Variants in RBP3 observed in about 807,000 individuals in gnomAD.
The protein encoded by RBP3 is retinol-binding protein 3.
In RBP3, 50 loss-of-function variants were observed where a neutral mutation model predicts 64.8. The ratio of observed to expected loss-of-function variants is 0.77; its 90% CI spans 0.61 to 0.98. The LOEUF (loss-of-function observed/expected upper bound fraction) is 0.98, where lower values mean the gene tolerates loss of function less well. RBP3 is among the 50% of genes least tolerant of loss of function. RBP3 has a pLI of 0.00. For missense variants in RBP3, 1,712 were observed against 1,660.5 expected (o/e 1.03, Z -0.54); for synonymous variants, 828 against 730.2 (o/e 1.13, Z -2.16).
chr10:47,349,077 C>T lies in RBP3; in HGVS notation c.593C>T (p.Thr198Ile). The change falls in exon 1 of 4, where the codon ACT becomes ATT. Residue 198 changes from threonine (T) to isoleucine (I), a missense_variant. By Grantham distance (89) the Thr-to-Ile change is moderately conservative. Coordinates refer to ENST00000584701, the MANE Select transcript of RBP3 (RefSeq NM_002900.3). Reference sequence around the variant, plus strand: ...GGGAACACCATCCTGCACGTGGACACTATCTACAACCGCCCCTCCAACACC... The same window carrying T: ...GGGAACACCATCCTGCACGTGGACATTATCTACAACCGCCCCTCCAACACC... ...HPGNTILHVD[T>I]IYNRPSNTTT... 6.2e-7 allele frequency: 1 copy of T among 1,614,044 alleles called. No individual in the cohort carries two copies. Among genetic ancestry groups the T allele is most frequent in the Non-Finnish European group, 8.5e-7 (1 of 1,180,038 alleles).
In RBP3 at chr10:47,351,523, A is replaced by T. The variant is rs369941742; in HGVS notation, c.3039A>T (p.Gly1013=). The T allele has an allele frequency of 1.2e-6, 2 of 1,613,584 alleles. No individual in the cohort carries two copies. The highest frequency in any genetic ancestry group is 2.7e-5 in the African/African-American group (2 of 74,934). The change falls in exon 1 of 4, where the codon GGA becomes GGT. Residue 1013 remains glycine (G), a synonymous_variant. Transcript: ENST00000584701. Reference sequence around the variant, plus strand: ...AGAATGCCAAGGACCGCATTCCTGGAATTGTGCCCATGCAGGTGAGACCCA... The same window carrying T: ...AGAATGCCAAGGACCGCATTCCTGGTATTGTGCCCATGCAGGTGAGACCCA... ...IPENAKDRIP[G]IVPMQIPSPE... is the part of the protein sequence containing the mutation.
rs782258055 is a variant in RBP3, at chr10:47,348,624, G to C, written c.140G>C (p.Gly47Ala). Residue 47 changes from glycine to alanine, a missense_variant, in exon 1 of 4, where the codon GGC becomes GCC. Coordinates refer to ENST00000584701, the MANE Select transcript of RBP3 (RefSeq NM_002900.3). ...DNYCFPENLL[G>A]MQEAIQQAIK... Reference sequence around the variant, plus strand: ...TACTGCTTCCCGGAGAACCTGCTGGGCATGCAGGAAGCCATCCAGCAGGCC... The same window carrying C: ...TACTGCTTCCCGGAGAACCTGCTGGCCATGCAGGAAGCCATCCAGCAGGCC... The C allele has an allele frequency of 5.0e-6, 8 of 1,613,526 alleles. No individual in the cohort carries two copies. The South Asian group carries it at 8.8e-5, about 18-fold the overall frequency.
rs1836955122 is a variant in RBP3 at position 47,350,656 on chromosome 10, G to A, written c.2172G>A (p.Glu724=). The A allele has an allele frequency of 6.2e-7, 1 of 1,612,896 alleles. No individual in the cohort carries two copies. Among genetic ancestry groups the A allele is most frequent in the Non-Finnish European group, 8.5e-7 (1 of 1,180,020 alleles). Residue 724 remains glutamate, a synonymous_variant, in exon 1 of 4, where the codon GAG becomes GAA. Coordinates refer to ENST00000584701, the MANE Select transcript of RBP3 (RefSeq NM_002900.3). Reference sequence around the variant, plus strand: ...CACCCCCTGCTGTCCCCTCTCCAGAGGAGCTCACCTACCTTATTGAGGCCC... The same window carrying A: ...CACCCCCTGCTGTCCCCTCTCCAGAAGAGCTCACCTACCTTATTGAGGCCC... The part of the protein sequence containing the change: ...PPPPPAVPSP[E]ELTYLIEALF...
chr10:47,352,463 G>A (rs988936369), intron 1 of RBP3, among the ~76,000 whole-genome samples: 3 of 152,234 alleles, frequency 2.0e-5, no homozygotes, highest in Non-Finnish European at 4.4e-5. Flanking sequence ...AGCAGAGGGG[G>A]CTGAGAGTGC....
chr10:47,357,638 A>G lies in RBP3; in HGVS notation c.*181A>G. ...CACACACACATGTATATACACATAT[A>G]TATGTGTATGTATATATATGTATAT... On this transcript the variant is annotated 3_prime_UTR_variant, in exon 4 of 4. Transcript: ENST00000584701. The G allele has an allele frequency of 3.4e-6, 2 of 587,796 alleles. No homozygotes were observed. Among genetic ancestry groups the G allele is most frequent in the South Asian group, 2.1e-5 (1 of 48,416 alleles). 36.4% of individuals were successfully genotyped at this position (587,796 alleles called of 1,614,324 possible). A position where few individuals can be genotyped will look rare whatever the true frequency, so the allele number is the denominator to read the frequency against.
rs782519239 is a variant in RBP3, at chr10:47,357,350, C to T, written c.3637C>T (p.Pro1213Ser). ...CTCCTGGGAAGGGGTGGGGGTGACA[C>T]CCCATGTGGTTGTCCCTGCAGAAGA... ...GSSWEGVGVT[P>S]HVVVPAEEAL... Residue 1213 changes from proline to serine, a missense_variant, in exon 4 of 4, where the codon CCC becomes TCC. Coordinates refer to ENST00000584701, the MANE Select transcript of RBP3 (RefSeq NM_002900.3). 38 of 1,614,010 alleles carry T rather than the reference C, an allele frequency of 2.4e-5. No homozygotes were observed. The highest frequency in any genetic ancestry group is 4.0e-5 in the African/African-American group (3 of 74,932).
chr10:47,349,605 C>G lies in RBP3; in HGVS notation c.1121C>G (p.Ala374Gly). 6.2e-7 allele frequency: 1 copy of G among 1,612,864 alleles called. No individual in the cohort carries two copies. The highest frequency in any genetic ancestry group is 8.5e-7 in the Non-Finnish European group (1 of 1,180,020). The change falls in exon 1 of 4, where the codon GCC (alanine) becomes GGC (glycine). Residue 374 changes from alanine (A) to glycine (G), a missense_variant. Ala to Gly is a moderately conservative substitution (Grantham distance 60, BLOSUM62 0). Transcript: ENST00000584701. ...GAAGATCTGGTCACCAAGCTCAATG[C>G]CGGCCTGCAGGCTGCGTCTGAGGAT... ...SEEDLVTKLN[A>G]GLQAASEDPR...
Position 47,349,682 on chromosome 10 carries a change from G to A in RBP3, c.1198G>A (p.Ala400Thr), listed in dbSNP as rs1484072706. 3 of 1,611,540 alleles carry A rather than the reference G, an allele frequency of 1.9e-6. No homozygotes were observed. The highest frequency in any genetic ancestry group is 2.5e-6 in the Non-Finnish European group (3 of 1,180,014). ...GCCCACAGAAACTCCTTCTTGGCCCGCGCCCGACGCTGCAGCCGAAGACTC... is the reference window on the plus strand; with the variant it reads ...GCCCACAGAAACTCCTTCTTGGCCCACGCCCGACGCTGCAGCCGAAGACTC... ...IGPTETPSWPAPDAAAEDSPG... is the reference protein window; with the variant it reads ...IGPTETPSWPTPDAAAEDSPG... The change falls in exon 1 of 4, where the codon GCG becomes ACG. Residue 400 changes from alanine (A) to threonine (T), a missense_variant. Transcript: ENST00000584701.
At position 47,357,496 on chromosome 10, in the gene RBP3, C is replaced by A. The variant is rs1837066451; in HGVS notation, c.*39C>A. On this transcript the variant is annotated 3_prime_UTR_variant, in exon 4 of 4. Transcript: ENST00000584701. ...AGGCAGAGCCCCAGGGCAGACAGAACCTCTGGGACACACACCAAGGGCACT... is the reference window on the plus strand; with the variant it reads ...AGGCAGAGCCCCAGGGCAGACAGAAACTCTGGGACACACACCAAGGGCACT... 1 of 1,551,922 alleles carries A rather than the reference C, an allele frequency of 6.4e-7. No homozygotes were observed. The highest frequency in any genetic ancestry group is 1.4e-5 in the African/African-American group (1 of 73,308).
At chr10:47,355,577 G>A in intron 3 of RBP3, 59 bp downstream of exon 3, 1 of 1,611,360 alleles carries the variant, frequency 6.2e-7, no homozygotes, top group Non-Finnish European at 8.5e-7. Context: ...GGAAACCAGG[G>A]AAAGACAGCT....
In RBP3 at chr10:47,353,365, C is replaced by T. The variant is rs139366460; in HGVS notation, c.3095C>T (p.Ser1032Phe). ...GTATTTGAAGAGCTGATCAAGTTTT[C>T]CTTCCACACTAACGTGCTTGAGGAC... ...PEVFEELIKFSFHTNVLEDNI... is the reference protein window; with the variant it reads ...PEVFEELIKFFFHTNVLEDNI... The change falls in exon 2 of 4, where the codon TCC becomes TTC. Residue 1032 changes from serine (S) to phenylalanine (F), a missense_variant. Ser to Phe is a radical substitution (Grantham distance 155, BLOSUM62 -2). Coordinates refer to ENST00000584701, the MANE Select transcript of RBP3 (RefSeq NM_002900.3). The T allele has an allele frequency of 1.4e-4, 229 of 1,613,998 alleles. No individual in the cohort carries two copies. Among genetic ancestry groups the T allele is most frequent in the Non-Finnish European group, 1.8e-4 (210 of 1,180,040 alleles).
chr10:47,355,316 G>A (rs1837030866), intron 2 of RBP3, 60 bp from the exon 3 acceptor site: 1 of 1,608,626 alleles, frequency 6.2e-7, no homozygotes, highest in Non-Finnish European at 8.5e-7. Context: ...CTCCCCGAGG[G>A]GCACACAGGG....
chr10:47,351,212 G>A lies in RBP3; in HGVS notation c.2728G>A (p.Ala910Thr). 6.2e-7 allele frequency: 1 copy of A among 1,613,286 alleles called. No homozygotes were observed. Among genetic ancestry groups the A allele is most frequent in the Non-Finnish European group, 8.5e-7 (1 of 1,180,032 alleles). ...SATTGKAWDL[A>T]GVEPDITVPM... ...CACCACAGGCAAGGCCTGGGACCTG[G>A]CTGGTGTGGAGCCCGACATCACTGT... is the stretch of plus-strand genomic sequence containing the variant. The change falls in exon 1 of 4, where the codon GCT (alanine) becomes ACT (threonine). Residue 910 changes from alanine to threonine, a missense_variant. By Grantham distance (58) the Ala-to-Thr change is moderately conservative. Transcript: ENST00000584701.
chr10:47,351,379 G>A lies in RBP3; in HGVS notation c.2895G>A (p.Leu965=). ...TGGGGGCCAAGATGGCCACCAAACTGAGCGGTCTGCAGAGCCGCTACTCCA... is the reference window on the plus strand; with the variant it reads ...TGGGGGCCAAGATGGCCACCAAACTAAGCGGTCTGCAGAGCCGCTACTCCA... ...AELGAKMATK[L]SGLQSRYSRV... Residue 965 remains leucine (L), a synonymous_variant, in exon 1 of 4, where the codon CTG becomes CTA. Transcript: ENST00000584701. 1 of 1,613,552 alleles carries A rather than the reference G, an allele frequency of 6.2e-7. No homozygotes were observed. Among genetic ancestry groups the A allele is most frequent in the Non-Finnish European group, 8.5e-7 (1 of 1,179,996 alleles).
At chr10:47,353,121 C>G (rs931765784) in intron 1 of RBP3, among the ~76,000 whole-genome samples, 1 of 152,132 alleles carries the variant, frequency 6.6e-6, no homozygotes, top group Non-Finnish European at 1.5e-5. Context: ...GCATCCTCTG[C>G]AAGGAGGCTG....
chr10:47,355,481 C>G lies in RBP3; in HGVS notation c.3351C>G (p.Asp1117Glu). 6.2e-7 allele frequency: 1 copy of G among 1,614,236 alleles called. No homozygotes were observed. Among genetic ancestry groups the G allele is most frequent in the Non-Finnish European group, 8.5e-7 (1 of 1,180,050 alleles). Reference sequence around the variant, plus strand: ...ACAAGATCTACAGCCGGCCTGATGACTCTGTCAGTGAACTCTGGACACACG... The same window carrying G: ...ACAAGATCTACAGCCGGCCTGATGAGTCTGTCAGTGAACTCTGGACACACG... Reference protein sequence around the residue: ...LLDKIYSRPDDSVSELWTHAQ... With the variant: ...LLDKIYSRPDESVSELWTHAQ... The change falls in exon 3 of 4, where the codon GAC (aspartate) becomes GAG (glutamate). Residue 1117 changes from aspartate to glutamate, a missense_variant. Physicochemically the swap from Asp to Glu is conservative, Grantham distance 45. Transcript: ENST00000584701.
At position 47,350,025 on chromosome 10, in the gene RBP3, C is replaced by G; in HGVS notation, c.1541C>G (p.Thr514Ser). The change falls in exon 1 of 4, where the codon ACC (threonine) becomes AGC (serine). Residue 514 changes from threonine (T) to serine (S), a missense_variant. Coordinates refer to ENST00000584701, the MANE Select transcript of RBP3 (RefSeq NM_002900.3). ...CTCTTCACCACCTATGATCGCCGCA[C>G]CAACATCACGCAGGAGCACTTCAGC... The part of the protein sequence containing the change: ...VHLFTTYDRR[T>S]NITQEHFSHM... 1 of 1,613,058 alleles carries G rather than the reference C, an allele frequency of 6.2e-7. No homozygotes were observed.
Position 47,353,455 on chromosome 10 carries a change from TG to T in RBP3, c.3186del (p.Leu1063TrpfsTer15). 1 of 1,614,184 alleles carries T rather than the reference TG, an allele frequency of 6.2e-7. No homozygotes were observed. The highest frequency in any genetic ancestry group is 1.1e-5 in the South Asian group (1 of 91,090). ...DGELLTQVSR[L>X]LVEHIWKKIM... ...GAGCTGCTCACCCAGGTCTCCAGGC[TG>T]CTGGTGGAGCACATCTGGAAGAAGA... On this transcript the variant is annotated frameshift_variant, in exon 2 of 4. Transcript: ENST00000584701. LOFTEE classifies it high-confidence loss of function.
rs146045906 is a variant in RBP3, at chr10:47,351,103, C to T, written c.2619C>T (p.Ala873=). ...CCACGGTCATTGGGGAGCCCACGGC[C>T]GGAGGCGCACTCTCTGTGGGCATCT... ...QRATVIGEPT[A]GGALSVGIYQ... Residue 873 remains alanine (A), a synonymous_variant, in exon 1 of 4, where the codon GCC becomes GCT. Transcript: ENST00000584701. 1.4e-3 allele frequency: 2,286 copies of T among 1,612,664 alleles called. 5 individuals are homozygous for T. Among genetic ancestry groups the T allele is most frequent in the Middle Eastern group, 4.0e-3 (24 of 6,060 alleles).
Sources: gnomAD v4.1 joint callset for allele counts (sites outside exome capture counted in the v4.1 genomes callset) on GRCh38, gnomAD v4.1.1 for gene constraint, MANE v1.5 for transcripts, NCBI Gene and HGNC (gene_info 2026-07-23, HGNC 2026-07-21) for gene names.